KPNA3: variants seen among roughly 807,000 people sequenced by gnomAD.
KPNA3 encodes the protein karyopherin subunit alpha 3, also known as importin subunit alpha-4.
A neutral mutation model predicts 73.8 loss-of-function variants in KPNA3; 13 were observed. The observed-to-expected ratio is 0.18, with a 90% confidence interval of 0.11 to 0.28. The LOEUF is 0.28. Ranked by LOEUF, KPNA3 falls within the 10% of genes least tolerant of loss-of-function variation. The pLI is 1.00. For missense variants in KPNA3, 360 were observed against 618.1 expected (o/e 0.58, Z 4.43); for synonymous variants, 186 against 206.9 (o/e 0.90, Z 0.87).
intron 15 of KPNA3, among the ~76,000 whole-genome samples, chr13:49,703,134 C>T (rs906257136): frequency 6.6e-6 from 1 of 150,482 alleles, no homozygotes; most frequent in Admixed American, 6.6e-5. Context: ...TCCCAAAGTG[C>T]TGGGATTACA....
At chr13:49,704,441 ATAAATAAATAAATAAAT>A (rs1954184841) in intron 15 of KPNA3, among the ~76,000 whole-genome samples, 2 of 6,440 alleles carry the variant, frequency 3.1e-4, no homozygotes, top group South Asian at 2.4e-3. Flanking sequence ...TAAAAAATAA[ATAAATAAATAAATAAAT>A]AAATAAATAA....
At chr13:49,741,407 C>A (rs1235549398) in intron 2 of KPNA3, among the ~76,000 whole-genome samples, 2 of 150,996 alleles carry the variant, frequency 1.3e-5, no homozygotes, top group Non-Finnish European at 2.9e-5. Flanking sequence ...TTTTAGTATA[C>A]CTATTAGCCA....
chr13:49,767,235 G>A (rs1954815957), intron 1 of KPNA3, among the ~76,000 whole-genome samples: 4 of 151,704 alleles, frequency 2.6e-5, no homozygotes, highest in Non-Finnish European at 2.9e-5. Flanking sequence ...TGGCCAACAT[G>A]GTGAAACCCC....
intron 15 of KPNA3, among the ~76,000 whole-genome samples, chr13:49,704,228 C>T (rs1954178734): frequency 6.6e-6 from 1 of 152,010 alleles, no homozygotes; most frequent in Non-Finnish European, 1.5e-5. Flanking sequence ...TTAAGACCAG[C>T]CTGACCAACA....
chr13:49,740,167 A>G (rs1012145115), intron 2 of KPNA3, among the ~76,000 whole-genome samples: 1 of 151,746 alleles, frequency 6.6e-6, no homozygotes, highest in Non-Finnish European at 1.5e-5. Flanking sequence ...GAATTGCTTG[A>G]GCCTGGGAGG....
At chr13:49,761,625 A>G (rs904267416) in intron 1 of KPNA3, among the ~76,000 whole-genome samples, 2 of 152,164 alleles carry the variant, frequency 1.3e-5, no homozygotes, top group Non-Finnish European at 2.9e-5. Flanking sequence ...TTGGCCTCCC[A>G]AAGTGCCGAG....
At chr13:49,755,011 T>A (rs1268880689) in intron 1 of KPNA3, among the ~76,000 whole-genome samples, 1 of 151,984 alleles carries the variant, frequency 6.6e-6, no homozygotes, top group East Asian at 1.9e-4. Flanking sequence ...CTCAATTCAC[T>A]TTATGAAGCT....
chr13:49,743,161 T>G (rs1406443631), intron 2 of KPNA3, among the ~76,000 whole-genome samples: 1 of 152,112 alleles, frequency 6.6e-6, no homozygotes. Context: ...GAGTTACAAT[T>G]GACAGATGAT....
intron 7 of KPNA3, among the ~76,000 whole-genome samples, chr13:49,723,082 AT>A (rs71078883): frequency 0.7 from 102,916 of 147,454 alleles, 36,242 homozygotes; most frequent in East Asian, 0.97. Context: ...GCACTACCTC[AT>A]TTTTTTTTTT....
intron 1 of KPNA3, among the ~76,000 whole-genome samples, chr13:49,756,900 C>G (rs1048759704): frequency 6.6e-6 from 1 of 152,132 alleles, no homozygotes; most frequent in Non-Finnish European, 1.5e-5. Flanking sequence ...TAAGCCTACA[C>G]AAATATATCC....
At chr13:49,718,875 G>A (rs1436187251) in intron 10 of KPNA3, among the ~76,000 whole-genome samples, 2 of 152,078 alleles carry the variant, frequency 1.3e-5, no homozygotes, top group East Asian at 1.9e-4. Flanking sequence ...GGTAAGCAAA[G>A]ATGTATTTCT....
intron 1 of KPNA3, among the ~76,000 whole-genome samples, chr13:49,788,771 A>G (rs1955007103): frequency 6.7e-6 from 1 of 149,604 alleles, no homozygotes; most frequent in Non-Finnish European, 1.5e-5. Context: ...AACAAATAAA[A>G]GGAAATGTTT....
At chr13:49,736,478 TACTA>T (rs1289466083) in intron 2 of KPNA3, among the ~76,000 whole-genome samples, 5 of 152,132 alleles carry the variant, frequency 3.3e-5, no homozygotes, top group African/African-American at 7.2e-5. Flanking sequence ...CTTTTTTCGA[TACTA>T]ACTTAGACTT....
chr13:49,715,904 T>C (rs886541485), intron 10 of KPNA3, among the ~76,000 whole-genome samples: 2 of 152,244 alleles, frequency 1.3e-5, no homozygotes, highest in African/African-American at 4.8e-5. Context: ...TCCATAATAG[T>C]GTGTTTAAAT....
intron 1 of KPNA3, among the ~76,000 whole-genome samples, chr13:49,783,260 T>A (rs909898871): frequency 1.3e-5 from 2 of 152,052 alleles, no homozygotes; most frequent in Non-Finnish European, 2.9e-5. Context: ...CAAGAATGAT[T>A]AATTCCAAGT....
intron 10 of KPNA3, among the ~76,000 whole-genome samples, chr13:49,715,209 C>A (rs1042078078): frequency 4.6e-5 from 7 of 152,038 alleles, no homozygotes; most frequent in African/African-American, 1.7e-4. Flanking sequence ...AAAAAGTTCA[C>A]ATGGCAAAAC....
At chr13:49,742,075 G>A (rs574897618) in intron 2 of KPNA3, among the ~76,000 whole-genome samples, 5 of 152,228 alleles carry the variant, frequency 3.3e-5, no homozygotes, top group African/African-American at 1.2e-4. Context: ...TGTATATGGT[G>A]TGAAATAAGG....
At chr13:49,729,536 G>A (rs1171913993) in intron 6 of KPNA3, among the ~76,000 whole-genome samples, 1 of 152,220 alleles carries the variant, frequency 6.6e-6, no homozygotes, top group Non-Finnish European at 1.5e-5. Flanking sequence ...TGTAATCCCA[G>A]CACTTTGAGA....
At chr13:49,727,055 G>T (rs1954416571) in intron 6 of KPNA3, among the ~76,000 whole-genome samples, 1 of 152,176 alleles carries the variant, frequency 6.6e-6, no homozygotes, top group South Asian at 2.1e-4. Context: ...CAAGGATTGG[G>T]GGGATTTAGT....
Sources: gnomAD v4.1 joint callset for allele counts (sites outside exome capture counted in the v4.1 genomes callset) on GRCh38, gnomAD v4.1.1 for gene constraint, MANE v1.5 for transcripts, NCBI Gene and HGNC (gene_info 2026-07-23, HGNC 2026-07-21) for gene names.